The following PXT1 variants were observed in gnomAD, a reference collection of about 807,000 sequenced individuals.
PXT1 encodes the protein peroxisomal testis enriched protein 1.
PXT1 carries 11 observed loss-of-function variants against 11.0 expected under a neutral mutation model. The observed-to-expected ratio is 1.00, with a 90% CI of 0.63 to 1.66. The LOEUF is 1.66. PXT1 is among the 40% of genes most tolerant of loss of function. The pLI is 0.00. For synonymous variants in PXT1, 43 were observed against 51.4 expected (o/e 0.84, Z 0.70); for missense variants, 141 against 155.5 (o/e 0.91, Z 0.49).
At chr6:36,429,164 G>A (rs971284569) in intron 2 of PXT1, among the ~76,000 whole-genome samples, 17 of 130,256 alleles carry the variant, frequency 1.3e-4, no homozygotes, top group African/African-American at 4.4e-4. Context: ...TACTCAGGAA[G>A]CTGAGGTGGG....
chr6:36,396,454 G>T (rs1195472783), intron 4 of PXT1, among the ~76,000 whole-genome samples: 1 of 152,210 alleles, frequency 6.6e-6, no homozygotes. Flanking sequence ...CCACTGCCTG[G>T]CCTCTCTCTG....
chr6:36,400,735 G>A (rs7755006), intron 3 of PXT1, among the ~76,000 whole-genome samples, 151 bp from the exon 4 acceptor site: 70,491 of 152,074 alleles, frequency 0.46, 16,918 homozygotes, highest in Middle Eastern at 0.58. Context: ...TTAGGAGGCC[G>A]AGGTGGGTGG....
At chr6:36,397,730 A>G (rs1292559213) in intron 4 of PXT1, among the ~76,000 whole-genome samples, 1 of 152,152 alleles carries the variant, frequency 6.6e-6, no homozygotes, top group East Asian at 1.9e-4. Context: ...CAAATCATAT[A>G]TCTGATAAGG....
chr6:36,399,270 C>T (rs541610784), intron 4 of PXT1, among the ~76,000 whole-genome samples: 4 of 152,162 alleles, frequency 2.6e-5, no homozygotes, highest in South Asian at 2.1e-4. Context: ...CTCAGCCTCC[C>T]GAGTAGCTGG....
At chr6:36,436,541 C>T (rs1774766341) in intron 2 of PXT1, among the ~76,000 whole-genome samples, 1 of 152,102 alleles carries the variant, frequency 6.6e-6, no homozygotes, top group Admixed American at 6.6e-5. Context: ...AGAGCACCAG[C>T]ACGGAATTAA....
chr6:36,428,085 G>T (rs753343375), intron 2 of PXT1, among the ~76,000 whole-genome samples: 4 of 152,088 alleles, frequency 2.6e-5, no homozygotes, highest in Non-Finnish European at 4.4e-5. Flanking sequence ...AATTTGATTT[G>T]TCAGGTAAGA....
At chr6:36,425,801 A>AAAAACAAAC (rs1491482052) in intron 3 of PXT1, 113 bp downstream of exon 3, 237 of 328,362 alleles carry the variant, frequency 7.2e-4, no homozygotes, top group African/African-American at 5.6e-3. Context: ...AAACAAAAAC[A>AAAAACAAAC]AAAAATATAT....
At chr6:36,441,782 TTA>T (rs1432074858) in intron 1 of PXT1, among the ~76,000 whole-genome samples, 2 of 152,250 alleles carry the variant, frequency 1.3e-5, no homozygotes, top group Admixed American at 6.5e-5. Flanking sequence ...ATGAAAAAAT[TTA>T]TGTCTTCAGT....
intron 4 of PXT1, among the ~76,000 whole-genome samples, chr6:36,394,294 A>G (rs1740650527): frequency 6.6e-6 from 1 of 152,216 alleles, no homozygotes; most frequent in Non-Finnish European, 1.5e-5. Context: ...TATGACAGTA[A>G]TTCATAGGGT....
chr6:36,435,198 G>A (rs1774744484), intron 2 of PXT1, among the ~76,000 whole-genome samples: 1 of 152,198 alleles, frequency 6.6e-6, no homozygotes, highest in Non-Finnish European at 1.5e-5. Flanking sequence ...CCAGCATTTG[G>A]GAGGCTGAGG....
At chr6:36,413,803 C>G (rs963436281) in intron 3 of PXT1, among the ~76,000 whole-genome samples, 1 of 152,014 alleles carries the variant, frequency 6.6e-6, no homozygotes, top group African/African-American at 2.4e-5. Context: ...TTGAGACCAG[C>G]CTGGGCAATA....
intron 3 of PXT1, among the ~76,000 whole-genome samples, chr6:36,403,348 CTAATAGGGATG>C (rs1473934199): frequency 6.6e-6 from 1 of 152,088 alleles, no homozygotes; most frequent in African/African-American, 2.4e-5. Context: ...TAAAGCAGTA[CTAATAGGGATG>C]TAATAGTGGA....
At chr6:36,440,463 G>C (rs1325578572) in intron 1 of PXT1, among the ~76,000 whole-genome samples, 1 of 151,862 alleles carries the variant, frequency 6.6e-6, no homozygotes, top group African/African-American at 2.4e-5. Flanking sequence ...CCAGCTACTC[G>C]AGAGGCTGAG....
intron 3 of PXT1, among the ~76,000 whole-genome samples, chr6:36,422,653 A>G (rs1307721795): frequency 6.6e-6 from 1 of 152,232 alleles, no homozygotes; most frequent in Non-Finnish European, 1.5e-5. Flanking sequence ...TGAACGAATT[A>G]AAAAAGAAAA....
chr6:36,408,417 C>T (rs1228487252), intron 3 of PXT1, among the ~76,000 whole-genome samples: 1 of 151,566 alleles, frequency 6.6e-6, no homozygotes, highest in African/African-American at 2.4e-5. Context: ...CATGTACCAC[C>T]ATGCCCAGCT....
intron 2 of PXT1, among the ~76,000 whole-genome samples, chr6:36,434,684 C>T (rs1422408847): frequency 6.6e-6 from 1 of 152,112 alleles, no homozygotes; most frequent in Non-Finnish European, 1.5e-5. Flanking sequence ...AATAATCATG[C>T]ATATTTATAA....
intron 2 of PXT1, among the ~76,000 whole-genome samples, chr6:36,431,485 G>A (rs945738850): frequency 1.3e-5 from 2 of 152,182 alleles, no homozygotes; most frequent in African/African-American, 4.8e-5. Flanking sequence ...AGAGTACATT[G>A]GCCCAGCACG....
intron 1 of PXT1, among the ~76,000 whole-genome samples, chr6:36,441,877 ACTATTTT>A (rs1341563863): frequency 1.4e-5 from 2 of 147,432 alleles, no homozygotes; most frequent in African/African-American, 5.1e-5. Flanking sequence ...ACTGAGTCAA[ACTATTTT>A]CTTACATTCC....
At chr6:36,425,800 C>CAAAACAAACAAACAAAAA in intron 3 of PXT1, 114 bp downstream of exon 3, 1 of 216,042 alleles carries the variant, frequency 4.6e-6, no homozygotes, top group African/African-American at 3.4e-5. Flanking sequence ...AAAACAAAAA[C>CAAAACAAACAAACAAAAA]AAAAAATATA....
Sources: gnomAD v4.1 joint callset for allele counts (sites outside exome capture counted in the v4.1 genomes callset) on GRCh38, gnomAD v4.1.1 for gene constraint, MANE v1.5 for transcripts, NCBI Gene and HGNC (gene_info 2026-07-23, HGNC 2026-07-21) for gene names.